SLC46A2: variants seen among roughly 807,000 people sequenced by gnomAD.
SLC46A2 encodes thymic stromal co-transporter.
In SLC46A2, 25 loss-of-function variants were observed where a neutral mutation model predicts 33.1. The ratio of observed to expected loss-of-function variants is 0.76; its 90% CI spans 0.55 to 1.06. The LOEUF (loss-of-function observed/expected upper bound fraction) is 1.06. SLC46A2 is among the 50% of genes least tolerant of loss of function. SLC46A2 has a pLI of 0.00. For missense variants in SLC46A2, 622 were observed against 621.7 expected (o/e 1.00, Z 0.00); for synonymous variants, 254 against 275.9 (o/e 0.92, Z 0.79).
chr9:112,887,050 C>T (rs929747844), intron 2 of SLC46A2, among the ~76,000 whole-genome samples: 2 of 152,080 alleles, frequency 1.3e-5, no homozygotes, highest in African/African-American at 4.8e-5. Context: ...CTTTGTGTGG[C>T]TCAATTCACT....
intron 2 of SLC46A2, 75 bp from the exon 3 acceptor site, chr9:112,886,691 G>A: frequency 6.7e-7 from 1 of 1,498,256 alleles, no homozygotes; most frequent in Non-Finnish European, 9.2e-7. Context: ...AGTCTCTGGA[G>A]AGTTCTTAGG....
chr9:112,890,087 C>T lies in SLC46A2; in HGVS notation c.595G>A (p.Ala199Thr). 6.2e-7 allele frequency: 1 copy of T among 1,613,702 alleles called. No individual in the cohort carries two copies. Among genetic ancestry groups the T allele is most frequent in the Non-Finnish European group, 8.5e-7 (1 of 1,179,970 alleles). The part of the protein sequence containing the change: ...MASGHLFKQM[A>T]GHSGQGLILT... ...ATCAGGCCCTGCCCAGAGTGCCCAG[C>T]CATCTGCTTGAAGAGATGCCCGGAA... Residue 199 changes from alanine (A) to threonine (T), a missense_variant, in exon 1 of 4, where the codon GCT (alanine) becomes ACT (threonine). Ala to Thr is a moderately conservative substitution (Grantham distance 58, BLOSUM62 0). Coordinates refer to ENST00000374228, the MANE Select transcript of SLC46A2 (RefSeq NM_033051.4). This position sits in a 1 kb window ranked among gnomAD's most constrained non-coding sequence, Gnocchi z 6.0.
intron 3 of SLC46A2, chr9:112,881,377 G>T (rs1841575566): frequency 6.6e-6 from 1 of 152,278 alleles, no homozygotes; most frequent in South Asian, 2.1e-4. Flanking sequence ...ATGAGTGCTA[G>T]TGCACTACTG....
rs755008769 is a variant in SLC46A2 at position 112,889,668 on chromosome 9, G to A, written c.1014C>T (p.Val338=). 5 of 1,614,106 alleles carry A rather than the reference G, an allele frequency of 3.1e-6. No homozygotes were observed. The South Asian group carries it at 5.5e-5, about 18-fold the overall frequency. ...CCCGAAAGCAGCGGGAGAAGACCAG[G>A]ACACCCAGGAAGCTGGTGATGAAGA... is the stretch of plus-strand genomic sequence containing the variant. The part of the protein sequence containing the change: ...YTIFITSFLG[V]LVFSRCFRDT... The change falls in exon 1 of 4, where the codon GTC becomes GTT. Residue 338 remains valine (V), a synonymous_variant. Transcript: ENST00000374228.
chr9:112,886,039 G>A (rs1346605380), intron 3 of SLC46A2, among the ~76,000 whole-genome samples: 1 of 152,224 alleles, frequency 6.6e-6, no homozygotes, highest in Non-Finnish European at 1.5e-5. Context: ...CAGCCGCACT[G>A]AGCACAGAGC....
intron 3 of SLC46A2, among the ~76,000 whole-genome samples, chr9:112,883,823 G>A (rs1841612997): frequency 6.6e-6 from 1 of 151,230 alleles, no homozygotes; most frequent in Non-Finnish European, 1.5e-5. Flanking sequence ...TCAGCCTCCC[G>A]AATAACTGGG....
chr9:112,887,355 G>A lies in SLC46A2; in HGVS notation c.1188C>T (p.Ser396=). ...IPVTTIRSAM[S]KLIKGSSYGK... is the part of the protein sequence containing the mutation. The stretch of plus-strand genomic sequence containing the variant: ...CATAAGAGGAGCCCTTTATGAGTTT[G>A]GACATAGCTGATCGGATGGTTGTGA... The change falls in exon 2 of 4, where the codon TCC becomes TCT. Residue 396 remains serine, a synonymous_variant. Coordinates refer to ENST00000374228, the MANE Select transcript of SLC46A2 (RefSeq NM_033051.4). 6.2e-7 allele frequency: 1 copy of A among 1,612,238 alleles called. No individual in the cohort carries two copies. Among genetic ancestry groups the A allele is most frequent in the South Asian group, 1.1e-5 (1 of 90,696 alleles).
intron 3 of SLC46A2, among the ~76,000 whole-genome samples, chr9:112,882,185 C>T (rs1373978627): frequency 6.6e-6 from 1 of 152,194 alleles, no homozygotes; most frequent in Non-Finnish European, 1.5e-5. Context: ...TTGCTCATTG[C>T]AGCCTCAACC....
At position 112,890,629 on chromosome 9, in the gene SLC46A2, G is replaced by A; in HGVS notation, c.53C>T (p.Pro18Leu). 2.5e-6 allele frequency: 4 copies of A among 1,603,670 alleles called. No homozygotes were observed. Residue 18 changes from proline (P) to leucine (L), a missense_variant, in exon 1 of 4, where the codon CCG (proline) becomes CTG (leucine). Transcript: ENST00000374228. This position sits in a 1 kb window ranked among gnomAD's most constrained non-coding sequence, Gnocchi z 6.0. ...CACCACGGGCTCAACCCAGGTCCTC[G>A]GGTGGAAGCGAGGCAGGTGGCCCCT... ...PRRGHLPRFH[P>L]RTWVEPVVAS...
chr9:112,889,118 T>C (rs113844795), intron 1 of SLC46A2, among the ~76,000 whole-genome samples: 3,301 of 152,258 alleles, frequency 0.022, 118 homozygotes, highest in African/African-American at 0.072. Context: ...CTTGAACTCC[T>C]GGCCTCAAGT....
Position 112,889,731 on chromosome 9 carries a change from T to C in SLC46A2, c.951A>G (p.Gln317=). ...CAGCCATACCATAGCCCACCTGCACTTGGTTCCAACCGAGAGGCTCCCTCA... is the reference window on the plus strand; with the variant it reads ...CAGCCATACCATAGCCCACCTGCACCTGGTTCCAACCGAGAGGCTCCCTCA... The part of the protein sequence containing the change: ...FVLREPLGWN[Q]VQVGYGMAAG... The change falls in exon 1 of 4, where the codon CAA becomes CAG. Residue 317 remains glutamine, a synonymous_variant. Transcript: ENST00000374228. The C allele has an allele frequency of 6.2e-7, 1 of 1,614,110 alleles. No homozygotes were observed. The highest frequency in any genetic ancestry group is 8.5e-7 in the Non-Finnish European group (1 of 1,180,006).
At chr9:112,880,283 A>G (rs1460294328) in intron 3 of SLC46A2, 1 of 134,760 alleles carries the variant, frequency 7.4e-6, no homozygotes, top group Non-Finnish European at 1.5e-5. Flanking sequence ...GTGAGCCAAG[A>G]TTGCGCCATT....
Position 112,890,858 on chromosome 9 carries a change from C to A in SLC46A2, c.-177G>T. The A allele has an allele frequency of 1.3e-6, 1 of 751,204 alleles. No individual in the cohort carries two copies. The highest frequency in any genetic ancestry group is 2.0e-6 in the Non-Finnish European group (1 of 488,748). The allele number at this position is 751,204 out of a possible 1,614,324, so 46.5% of individuals were successfully genotyped here. On this transcript the variant is annotated 5_prime_UTR_variant, in exon 1 of 4. Transcript: ENST00000374228. This position sits in a 1 kb window ranked among gnomAD's most constrained non-coding sequence, Gnocchi z 6.0. The stretch of plus-strand genomic sequence containing the variant: ...CGCGCCGGCCAGTGGCGAGCAGAGC[C>A]AGGGCACGCAGCGCCTGTGACAGCA...
chr9:112,890,657 G>T lies in SLC46A2; in HGVS notation c.25C>A (p.Arg9=). Residue 9 remains arginine (R), a synonymous_variant, in exon 1 of 4, where the codon CGG becomes AGG. Coordinates refer to ENST00000374228, the MANE Select transcript of SLC46A2 (RefSeq NM_033051.4). The surrounding 1 kb of genome is among the most constrained non-coding windows in gnomAD (Gnocchi z 6.0). MSPEVTCP[R]RGHLPRFHPR... is the part of the protein sequence containing the mutation. ...TGGAAGCGAGGCAGGTGGCCCCTCC[G>T]CGGGCAGGTGACCTCGGGGCTCATG... is the stretch of plus-strand genomic sequence containing the variant. 6.3e-7 allele frequency: 1 copy of T among 1,598,454 alleles called. No homozygotes were observed. Among genetic ancestry groups the T allele is most frequent in the Non-Finnish European group, 8.5e-7 (1 of 1,179,446 alleles).
chr9:112,890,835 C>CGAGTGTGCTCCGTGCGCCGGGAGCGT lies in SLC46A2; in HGVS notation c.-155_-154insACGCTCCCGGCGCACGGAGCACACTC. On this transcript the variant is annotated 5_prime_UTR_variant, in exon 1 of 4. Transcript: ENST00000374228. This position sits in a 1 kb window ranked among gnomAD's most constrained non-coding sequence, Gnocchi z 6.0. Reference sequence around the variant, plus strand: ...GAGTGTGCTCCGTGCGCCGGGAGCGCGCCGGCCAGTGGCGAGCAGAGCCAG... The same window carrying CGAGTGTGCTCCGTGCGCCGGGAGCGT: ...GAGTGTGCTCCGTGCGCCGGGAGCGCGAGTGTGCTCCGTGCGCCGGGAGCGTGCCGGCCAGTGGCGAGCAGAGCCAG... The CGAGTGTGCTCCGTGCGCCGGGAGCGT allele has an allele frequency of 1.1e-6, 1 of 881,226 alleles. No individual in the cohort carries two copies. The highest frequency in any genetic ancestry group is 1.6e-6 in the Non-Finnish European group (1 of 612,512). The allele number at this position is 881,226 out of a possible 1,614,324, so 54.6% of individuals were successfully genotyped here.
chr9:112,887,956 A>T (rs1841666921), intron 1 of SLC46A2, among the ~76,000 whole-genome samples: 6 of 147,198 alleles, frequency 4.1e-5, no homozygotes, highest in Admixed American at 3.4e-4. Context: ...TGAGAGAGAG[A>T]GAGAGAGAGA....
At chr9:112,882,369 A>G (rs1336816682) in intron 3 of SLC46A2, among the ~76,000 whole-genome samples, 1 of 152,182 alleles carries the variant, frequency 6.6e-6, no homozygotes, top group Non-Finnish European at 1.5e-5. Flanking sequence ...AGCCTCCCAA[A>G]GTGCTGGGAT....
chr9:112,887,946 T>TGTGTGTGTGA lies in SLC46A2; in HGVS notation c.1130-534_1130-533insTCACACACAC, dbSNP rs1554760068. 2.8e-3 allele frequency among the ~76,000 whole-genome samples: 392 copies of TGTGTGTGTGA among 139,376 alleles called. 2 individuals carry two copies. The highest frequency in any genetic ancestry group is 9.2e-3 in the African/African-American group (339 of 36,812). The allele number at this position is 139,376 out of a possible 152,430, so 91.4% of individuals were successfully genotyped here. Reference sequence around the variant, plus strand: ...GTGTGTGTGTGTGTGTGTGTGTGTGTGAGAGAGAGAGAGAGAGAGAACGCA... The same window carrying TGTGTGTGTGA: ...GTGTGTGTGTGTGTGTGTGTGTGTGTGTGTGTGTGAGAGAGAGAGAGAGAGAGAGAACGCA... On this transcript the variant is annotated intron_variant, in intron 1 of 3. Transcript: ENST00000374228.
Position 112,879,043 on chromosome 9 carries a change from C to T in SLC46A2, c.*719G>A, listed in dbSNP as rs1270457041. On this transcript the variant is annotated 3_prime_UTR_variant, in exon 4 of 4. Coordinates refer to ENST00000374228, the MANE Select transcript of SLC46A2 (RefSeq NM_033051.4). ...ACCTCCTCTTCCTTCACACCACCCA[C>T]TTTGGGAAGCACTGTTGACTGGAAG... is the stretch of plus-strand genomic sequence containing the variant. 1 of 152,218 alleles carries T rather than the reference C, an allele frequency of 6.6e-6. No individual in the cohort carries two copies. The highest frequency in any genetic ancestry group is 1.5e-5 in the Non-Finnish European group (1 of 68,050). 9.4% of individuals were successfully genotyped at this position (152,218 alleles called of 1,614,324 possible).
Sources: allele counts gnomAD v4.1 joint callset (sites outside exome capture counted in the v4.1 genomes callset), GRCh38; gene constraint gnomAD v4.1.1; non-coding constraint Gnocchi (gnomAD v3.1); transcripts MANE v1.5; gene names NCBI Gene and HGNC (gene_info 2026-07-23, HGNC 2026-07-21).